DNAH14: variants seen among roughly 807,000 people sequenced by gnomAD.
The protein encoded by DNAH14 is axonemal beta dynein heavy chain 14.
A neutral mutation model predicts 520.9 loss-of-function variants in DNAH14; 478 were observed. That is an observed-to-expected ratio of 0.92 (90% CI 0.85 to 0.99). The LOEUF is 0.99. DNAH14 is among the 50% of genes least tolerant of loss of function. The probability of loss-of-function intolerance (pLI) is 0.00; values close to 1 mark genes in which losing one functional copy is unlikely to be tolerated. For missense variants in DNAH14, 4,831 were observed against 5,234.5 expected, an observed-to-expected ratio of 0.92 and a Z score of 2.38; for synonymous variants, 1,581 against 1,757.2, an observed-to-expected ratio of 0.90 and a Z score of 2.51.
At chr1:225,174,436 T>C (rs1045822515) in intron 36 of DNAH14, among the ~76,000 whole-genome samples, 4 of 152,200 alleles carry the variant, frequency 2.6e-5, no homozygotes, top group Admixed American at 6.5e-5. Flanking sequence ...TTTGTAACTA[T>C]TATAAATGGA....
Position 225,252,177 on chromosome 1 carries a change from C to T in DNAH14, c.6749-124C>T. ...AAACAGGCCTATACACTTGGATATA[C>T]CCTTGGTGAATACTTATTATTTCTT... On this transcript the variant is annotated intron_variant, in intron 43 of 85. Transcript: ENST00000682510. 4 of 683,086 alleles carry T rather than the reference C, an allele frequency of 5.9e-6. No homozygotes were observed. The South Asian group carries it at 6.6e-5, about 11-fold the overall frequency. 42.3% of individuals were successfully genotyped at this position (683,086 alleles called of 1,614,324 possible). A position where few individuals can be genotyped will look rare whatever the true frequency, so the allele number is the denominator to read the frequency against.
At chr1:225,132,111 T>G (rs997818213) in intron 27 of DNAH14, among the ~76,000 whole-genome samples, 17 of 152,118 alleles carry the variant, frequency 1.1e-4, no homozygotes, top group African/African-American at 3.9e-4. Context: ...ATCGGTAAAC[T>G]ATATTATATC....
chr1:225,144,709 A>G, intron 29 of DNAH14, 81 bp downstream of exon 29: 1 of 1,080,240 alleles, frequency 9.3e-7, no homozygotes, highest in Non-Finnish European at 1.3e-6. Flanking sequence ...AATTTACACC[A>G]TTCCTGCTAT....
At chr1:225,097,283 G>C (rs936742628) in intron 22 of DNAH14, 44 bp downstream of exon 22, 1 of 1,472,316 alleles carries the variant, frequency 6.8e-7, no homozygotes. Context: ...AAAATGCATT[G>C]TGAGTAATTT....
intron 41 of DNAH14, among the ~76,000 whole-genome samples, chr1:225,214,699 G>C (rs1284192319): frequency 1.3e-5 from 2 of 152,166 alleles, no homozygotes; most frequent in African/African-American, 4.8e-5. Flanking sequence ...TTGCATAGAG[G>C]TGTTTATAGT....
chr1:225,216,209 T>A (rs978453618), intron 41 of DNAH14, among the ~76,000 whole-genome samples: 3 of 152,138 alleles, frequency 2.0e-5, no homozygotes, highest in Non-Finnish European at 4.4e-5. Context: ...CCTTTAAGAA[T>A]GTTGAATATT....
chr1:225,082,345 T>A (rs1291834919), intron 19 of DNAH14, among the ~76,000 whole-genome samples: 1 of 152,166 alleles, frequency 6.6e-6, no homozygotes, highest in Non-Finnish European at 1.5e-5. Flanking sequence ...CTTATAACTA[T>A]TTCTCTTATT....
chr1:225,050,298 C>T lies in DNAH14; in HGVS notation c.2001C>T (p.Ser667=), dbSNP rs1001033755. 3.7e-5 allele frequency: 58 copies of T among 1,549,776 alleles called. No homozygotes were observed. The highest frequency in any genetic ancestry group is 4.9e-5 in the Non-Finnish European group (56 of 1,146,370). The change falls in exon 16 of 86, where the codon AGC becomes AGT. Residue 667 remains serine (S), a synonymous_variant. Coordinates refer to ENST00000682510, the MANE Select transcript of DNAH14 (RefSeq NM_001367479.1). ...SIMDLPNKTG[S]IIHYKEQTRW... is the part of the protein sequence containing the mutation. ...TGGATTTACCTAATAAGACAGGAAG[C>T]ATAATACATTATAAAGAGCAGACCA... is the stretch of plus-strand genomic sequence containing the variant.
intron 60 of DNAH14, among the ~76,000 whole-genome samples, chr1:225,317,721 A>T (rs1197345380): frequency 6.6e-6 from 1 of 152,122 alleles, no homozygotes; most frequent in Non-Finnish European, 1.5e-5. Context: ...TGAAAATCTA[A>T]CCCTCCATTT....
At chr1:225,133,407 G>A (rs752583736) in intron 27 of DNAH14, among the ~76,000 whole-genome samples, 1 of 152,022 alleles carries the variant, frequency 6.6e-6, no homozygotes. Context: ...TTTCGTATAT[G>A]GTGTAAGGAA....
chr1:225,274,330 G>A (rs984306863), intron 52 of DNAH14, among the ~76,000 whole-genome samples: 1 of 148,986 alleles, frequency 6.7e-6, no homozygotes, highest in African/African-American at 2.5e-5. Flanking sequence ...TCAGCCTCCC[G>A]AGTAGCTGGG....
At chr1:225,200,492 C>T (rs1234998010) in intron 38 of DNAH14, among the ~76,000 whole-genome samples, 1 of 151,986 alleles carries the variant, frequency 6.6e-6, no homozygotes, top group African/African-American at 2.4e-5. Context: ...GGATTTGTTT[C>T]AAGATTTAGA....
intron 36 of DNAH14, among the ~76,000 whole-genome samples, chr1:225,169,403 G>T (rs546668550): frequency 6.6e-6 from 1 of 152,276 alleles, no homozygotes; most frequent in Admixed American, 6.5e-5. Context: ...CTTGAAAAAA[G>T]ATTAGGTGAA....
At chr1:225,354,070 C>T in intron 73 of DNAH14, 182 bp downstream of exon 73, 1 of 693,556 alleles carries the variant, frequency 1.4e-6, no homozygotes, top group Non-Finnish European at 2.7e-6. Context: ...GTGGAGAGTC[C>T]AATGTGAGTA....
intron 46 of DNAH14, among the ~76,000 whole-genome samples, chr1:225,262,027 C>T (rs1371058301): frequency 6.6e-6 from 1 of 151,914 alleles, no homozygotes; most frequent in African/African-American, 2.4e-5. Context: ...CAGCTATAAA[C>T]TATTTTCCTT....
chr1:224,986,717 A>G (rs1276070040), intron 8 of DNAH14, among the ~76,000 whole-genome samples: 1 of 152,198 alleles, frequency 6.6e-6, no homozygotes, highest in Non-Finnish European at 1.5e-5. Flanking sequence ...CACAGCTAGC[A>G]TTGTTGTACT....
chr1:224,989,916 T>G (rs976887677), intron 8 of DNAH14, among the ~76,000 whole-genome samples: 1 of 152,112 alleles, frequency 6.6e-6, no homozygotes, highest in South Asian at 2.1e-4. Context: ...TAAATCCCTA[T>G]TGGTCATGAT....
chr1:225,206,998 G>C lies in DNAH14; in HGVS notation c.6217G>C (p.Val2073Leu), dbSNP rs530172075. 161 of 1,534,440 alleles carry C rather than the reference G, an allele frequency of 1.0e-4. 1 individual carries two copies. The East Asian group carries it at 4.0e-3, about 38-fold the overall frequency. ...TGTTGATCTGGGATGGGAACCTTAT[G>C]TTAAGTCATGGCTTCTGAAAACTTC... ...DPVDLGWEPY[V>L]KSWLLKTSKI... The change falls in exon 41 of 86, where the codon GTT (valine) becomes CTT (leucine). Residue 2073 changes from valine (V) to leucine (L), a missense_variant. Transcript: ENST00000682510.
chr1:224,964,148 C>G (rs2061008475), intron 4 of DNAH14, among the ~76,000 whole-genome samples: 1 of 152,132 alleles, frequency 6.6e-6, no homozygotes, highest in South Asian at 2.1e-4. Context: ...CCCTACTTTT[C>G]TGATCCAACT....
Sources: allele counts gnomAD v4.1 joint callset (sites outside exome capture counted in the v4.1 genomes callset), GRCh38; gene constraint gnomAD v4.1.1; transcripts MANE v1.5; gene names NCBI Gene and HGNC (gene_info 2026-07-23, HGNC 2026-07-21).